The following TRAPPC8 variants were observed in gnomAD, a reference collection of about 807,000 sequenced individuals.
TRAPPC8 encodes the protein general sporulation gene 1 homolog.
TRAPPC8 carries 54 observed loss-of-function variants against 174.3 expected under a neutral mutation model. The observed-to-expected ratio is 0.31, with a 90% confidence interval of 0.25 to 0.39. TRAPPC8 has a LOEUF of 0.39. Ranked by LOEUF, TRAPPC8 falls within the 10% of genes least tolerant of loss-of-function variation. TRAPPC8 has a pLI of 1.00. For missense variants in TRAPPC8, 1,531 were observed against 1,699.1 expected, an observed-to-expected ratio of 0.90 and a Z score of 1.74; for synonymous variants, 630 against 579.9, an observed-to-expected ratio of 1.09 and a Z score of -1.24.
At chr18:31,855,428 C>T (rs2033947972) in intron 21 of TRAPPC8, among the ~76,000 whole-genome samples, 1 of 152,060 alleles carries the variant, frequency 6.6e-6, no homozygotes, top group African/African-American at 2.4e-5. Flanking sequence ...AACTATATAG[C>T]ATATCAGTGT....
At chr18:31,876,622 A>C (rs1022637511) in intron 12 of TRAPPC8, among the ~76,000 whole-genome samples, 2 of 152,166 alleles carry the variant, frequency 1.3e-5, no homozygotes, top group Non-Finnish European at 2.9e-5. Context: ...GATATGATGA[A>C]GAACCCATGG....
intron 19 of TRAPPC8, among the ~76,000 whole-genome samples, chr18:31,864,001 C>A (rs28654480): frequency 6.8e-6 from 1 of 146,762 alleles, no homozygotes; most frequent in Non-Finnish European, 1.5e-5. Context: ...TATTATAATA[C>A]TTTATTATAA....
intron 26 of TRAPPC8, among the ~76,000 whole-genome samples, chr18:31,840,883 T>C (rs1013000429): frequency 2.0e-5 from 3 of 151,216 alleles, no homozygotes; most frequent in Non-Finnish European, 4.4e-5. Context: ...AACCATATTA[T>C]ATTCAAGTAA....
chr18:31,936,401 C>T (rs758201118), intron 1 of TRAPPC8, among the ~76,000 whole-genome samples: 12 of 152,052 alleles, frequency 7.9e-5, no homozygotes, highest in Non-Finnish European at 1.6e-4. Context: ...GAGGTCGAGG[C>T]TGCAGTGAAC....
At chr18:31,940,066 A>G (rs1051140036) in intron 1 of TRAPPC8, among the ~76,000 whole-genome samples, 3 of 152,234 alleles carry the variant, frequency 2.0e-5, no homozygotes, top group Non-Finnish European at 2.9e-5. Flanking sequence ...GGCACACCAA[A>G]TTTCAAAGAC....
rs2033924214 is a variant in TRAPPC8 at position 31,854,992 on chromosome 18, A to G, written c.3336+668T>C. Among the ~76,000 whole-genome samples the G allele has an allele frequency of 4.8e-5, 7 of 146,936 alleles. No individual in the cohort carries two copies. The South Asian group carries it at 1.5e-3, about 32-fold the overall frequency. Reference sequence around the variant, plus strand: ...AAAAAAAAAAAAAAAAAAAAAGAATATTCATTTTTACAGCCTGGCCAACAT... The same window carrying G: ...AAAAAAAAAAAAAAAAAAAAAGAATGTTCATTTTTACAGCCTGGCCAACAT... On this transcript the variant is annotated intron_variant, in intron 21 of 28. Transcript: ENST00000283351.
At chr18:31,862,747 T>C (rs2034392483) in intron 19 of TRAPPC8, among the ~76,000 whole-genome samples, 1 of 152,088 alleles carries the variant, frequency 6.6e-6, no homozygotes, top group Non-Finnish European at 1.5e-5. Context: ...ATAGGATTAC[T>C]ACCATAAAAA....
rs35950290 is a variant in TRAPPC8, at chr18:31,911,871, CA to C, written c.771+1497del. ...TGGGCGACAGAGCGAGATCCTGTCT[CA>C]AAAAAAAAAAAAAAAAAAATTTTCT... is the stretch of plus-strand genomic sequence containing the variant. On this transcript the variant is annotated intron_variant, in intron 5 of 28. Transcript: ENST00000283351. 9.4e-3 allele frequency among the ~76,000 whole-genome samples: 880 copies of C among 93,714 alleles called. 1 individual carries two copies. Among genetic ancestry groups the C allele is most frequent in the African/African-American group, 0.024 (646 of 26,638 alleles). The allele number at this position is 93,714 out of a possible 152,430, so 61.5% of individuals were successfully genotyped here. A position where few individuals can be genotyped will look rare whatever the true frequency, so the allele number is the denominator to read the frequency against.
At chr18:31,840,353 C>A (rs2033019465) in intron 26 of TRAPPC8, among the ~76,000 whole-genome samples, 1 of 146,580 alleles carries the variant, frequency 6.8e-6, no homozygotes, top group Non-Finnish European at 1.5e-5. Context: ...TGTGGCTCTG[C>A]CTCAAAATAA....
rs1568050720 is a variant in TRAPPC8, at chr18:31,856,759, C to T, written c.3188+781G>A. 2.0e-5 allele frequency among the ~76,000 whole-genome samples: 3 copies of T among 151,898 alleles called. No homozygotes were observed. The South Asian group carries it at 6.2e-4, about 32-fold the overall frequency. On this transcript the variant is annotated intron_variant, in intron 20 of 28. Coordinates refer to ENST00000283351, the MANE Select transcript of TRAPPC8 (RefSeq NM_014939.5). ...TATACAGCCGCTCCCTAGAATAATA[C>T]CCACTACTCTCTTGCATATCCCTCC...
chr18:31,858,015 C>T (rs1308036768), intron 19 of TRAPPC8, 33 bp from the exon 20 acceptor site: 6 of 1,522,618 alleles, frequency 3.9e-6, no homozygotes, highest in Non-Finnish European at 4.4e-6. Context: ...TATTATTTGT[C>T]TGTTAAAAAT....
intron 22 of TRAPPC8, 200 bp from the exon 23 acceptor site, chr18:31,852,863 C>G: frequency 1.8e-6 from 1 of 561,266 alleles, no homozygotes; most frequent in Non-Finnish European, 3.2e-6. Context: ...AAATACATAT[C>G]CATGTGTGCA....
At chr18:31,876,489 C>CAAAAAAAAAAAAAA (rs71175801) in intron 12 of TRAPPC8, among the ~76,000 whole-genome samples, 3,040 of 48,642 alleles carry the variant, frequency 0.062, 597 homozygotes, top group Non-Finnish European at 0.071. Context: ...GACTCCATCT[C>CAAAAAAAAAAAAAA]AAAAAAAAAA....
chr18:31,876,262 G>C (rs562488802), intron 12 of TRAPPC8, among the ~76,000 whole-genome samples: 1 of 151,770 alleles, frequency 6.6e-6, no homozygotes, highest in Admixed American at 6.6e-5. Context: ...AGGCTGAGGC[G>C]GGCAGATCAT....
intron 21 of TRAPPC8, 128 bp from the exon 22 acceptor site, chr18:31,854,073 A>G: frequency 1.4e-6 from 1 of 695,904 alleles, no homozygotes; most frequent in Admixed American, 3.2e-5. Context: ...ATTACAATAT[A>G]CATTTCCAAA....
intron 12 of TRAPPC8, among the ~76,000 whole-genome samples, chr18:31,889,903 A>G (rs1010128781): frequency 6.6e-6 from 1 of 152,188 alleles, no homozygotes; most frequent in Non-Finnish European, 1.5e-5. Flanking sequence ...ACATTGTGTA[A>G]AACACTGGGA....
In TRAPPC8 at chr18:31,855,747, G is replaced by A. The variant is rs1312460328; in HGVS notation, c.3249C>T (p.Ala1083=). The A allele has an allele frequency of 7.4e-6, 12 of 1,611,210 alleles. No individual in the cohort carries two copies. Among genetic ancestry groups the A allele is most frequent in the Non-Finnish European group, 1.0e-5 (12 of 1,179,448 alleles). ...CAAGAGAATTACTTCTGCAGACAGT[G>A]GCCCGTACATTTAAAGACCGACTGG... ...ICTSRSLNVR[A]TVCRSNSLEN... Residue 1083 remains alanine (A), a synonymous_variant, in exon 21 of 29, where the codon GCC becomes GCT. Coordinates refer to ENST00000283351, the MANE Select transcript of TRAPPC8 (RefSeq NM_014939.5).
Position 31,908,832 on chromosome 18 carries a change from A to T in TRAPPC8, c.1044T>A (p.Ile348=). 6.2e-7 allele frequency: 1 copy of T among 1,613,754 alleles called. No individual in the cohort carries two copies. The highest frequency in any genetic ancestry group is 8.5e-7 in the Non-Finnish European group (1 of 1,179,768). The change falls in exon 7 of 29, where the codon ATT becomes ATA. Residue 348 remains isoleucine (I), a synonymous_variant. Transcript: ENST00000283351. ...ACLTLTDHDR[I]RQFIQEFTFR... is the part of the protein sequence containing the mutation. The stretch of plus-strand genomic sequence containing the variant: ...ATGTGAACTCTTGTATAAACTGTCG[A>T]ATTCTATCATGATCAGTAAGTGTTA...
At chr18:31,840,677 T>C (rs1242740653) in intron 26 of TRAPPC8, among the ~76,000 whole-genome samples, 1 of 152,212 alleles carries the variant, frequency 6.6e-6, no homozygotes, top group African/African-American at 2.4e-5. Flanking sequence ...TGGCTGCTTT[T>C]TGACTTCAAT....
Sources: allele counts gnomAD v4.1 joint callset (sites outside exome capture counted in the v4.1 genomes callset), GRCh38; gene constraint gnomAD v4.1.1; transcripts MANE v1.5; gene names NCBI Gene and HGNC (gene_info 2026-07-23, HGNC 2026-07-21).